Variants in GIGYF2 observed in about 807,000 individuals in gnomAD.
GIGYF2 encodes GRB10 interacting GYF protein 2.
In GIGYF2, 25 loss-of-function variants were observed where a neutral mutation model predicts 208.1. That is an observed-to-expected ratio of 0.12 (90% CI 0.09 to 0.17). GIGYF2 has a LOEUF of 0.17. Ranked by LOEUF, GIGYF2 falls within the 10% of genes least tolerant of loss-of-function variation. The pLI, the probability that GIGYF2 is intolerant of heterozygous loss-of-function variation, is 1.00. For missense variants in GIGYF2, 1,302 were observed against 1,579.4 expected, an observed-to-expected ratio of 0.82 and a Z score of 2.98; for synonymous variants, 534 against 543.8, an observed-to-expected ratio of 0.98 and a Z score of 0.25.
chr2:232,718,685 T>C (rs1696807810), intron 2 of GIGYF2, among the ~76,000 whole-genome samples: 1 of 152,228 alleles, frequency 6.6e-6, no homozygotes, highest in African/African-American at 2.4e-5. Flanking sequence ...TTTGCACTAA[T>C]AAAGTTATTA....
intron 1 of GIGYF2, among the ~76,000 whole-genome samples, chr2:232,701,087 A>G (rs187670847): frequency 6.6e-6 from 1 of 152,268 alleles, no homozygotes; most frequent in African/African-American, 2.4e-5. Flanking sequence ...TGAATTGCCT[A>G]TAGTTTTGTG....
chr2:232,719,494 T>C (rs1278252589), intron 2 of GIGYF2, among the ~76,000 whole-genome samples: 1 of 152,190 alleles, frequency 6.6e-6, no homozygotes, highest in East Asian at 1.9e-4. Context: ...CTTTTCTTTA[T>C]TGTAAACTCA....
At chr2:232,753,775 C>T (rs1320657598) in intron 5 of GIGYF2, among the ~76,000 whole-genome samples, 1 of 152,064 alleles carries the variant, frequency 6.6e-6, no homozygotes, top group African/African-American at 2.4e-5. Flanking sequence ...GGAGTTTGGC[C>T]TCTCCGTGTT....
At chr2:232,735,008 AT>A in intron 2 of GIGYF2, 146 bp from the exon 3 acceptor site, 2 of 600,776 alleles carry the variant, frequency 3.3e-6, no homozygotes, top group Non-Finnish European at 6.0e-6. Flanking sequence ...CTGCTATATT[AT>A]TGTTTTAAGT....
Position 232,844,148 on chromosome 2 carries a change from A to G in GIGYF2, c.2992A>G (p.Thr998Ala), listed in dbSNP as rs1302750953. The change falls in exon 24 of 29, where the codon ACC becomes GCC. Residue 998 changes from threonine to alanine, a missense_variant. Around this residue, in one of 8 missense-constraint regions of GIGYF2, gnomAD observed 701 missense variants for 793.0 expected, o/e 0.88. Coordinates refer to ENST00000373563, the MANE Select transcript of GIGYF2 (RefSeq NM_001103146.3). ...GWGNVSKPSG[T>A]TKSLLEIQQE... ...GGGGAATGTCAGCAAACCTTCAGGTACCACGAAATCTCTTCTGGAGATCCA... is the reference window on the plus strand; with the variant it reads ...GGGGAATGTCAGCAAACCTTCAGGTGCCACGAAATCTCTTCTGGAGATCCA... 3.8e-6 allele frequency: 6 copies of G among 1,576,340 alleles called. No homozygotes were observed. The highest frequency in any genetic ancestry group is 5.2e-6 in the Non-Finnish European group (6 of 1,158,824).
At chr2:232,847,614 AC>A in intron 27 of GIGYF2, 43 bp downstream of exon 27, 1 of 1,587,286 alleles carries the variant, frequency 6.3e-7, no homozygotes, top group Non-Finnish European at 8.5e-7. Context: ...GAGGATTAAT[AC>A]CTTTAGATGT....
intron 22 of GIGYF2, among the ~76,000 whole-genome samples, chr2:232,836,308 ATATATATATATATATATATAT>A (rs1701613547): frequency 2.3e-4 from 5 of 21,578 alleles, no homozygotes; most frequent in Admixed American, 1.4e-3. Flanking sequence ...ATATATATAT[ATATATATATATATATATATAT>A]ACATATATAT....
At chr2:232,825,769 A>G (rs1484448930) in intron 21 of GIGYF2, among the ~76,000 whole-genome samples, 1 of 151,996 alleles carries the variant, frequency 6.6e-6, no homozygotes, top group African/African-American at 2.4e-5. Context: ...GGTTTGTTAC[A>G]TAGATATACA....
At chr2:232,795,881 C>T (rs1221958547) in intron 13 of GIGYF2, among the ~76,000 whole-genome samples, 181 bp from the exon 14 acceptor site, 1 of 152,108 alleles carries the variant, frequency 6.6e-6, no homozygotes, top group Non-Finnish European at 1.5e-5. Context: ...GCATCCCCCT[C>T]TGTAAAATGG....
At chr2:232,712,120 A>G (rs2106258103) in intron 2 of GIGYF2, among the ~76,000 whole-genome samples, 1 of 152,278 alleles carries the variant, frequency 6.6e-6, no homozygotes, top group South Asian at 2.1e-4. Context: ...GTCAAATTTT[A>G]TAATTGGCAA....
intron 8 of GIGYF2, among the ~76,000 whole-genome samples, chr2:232,762,483 C>T (rs891843269): frequency 2.0e-5 from 3 of 152,046 alleles, no homozygotes; most frequent in Non-Finnish European, 4.4e-5. Context: ...GAACTCCTGA[C>T]CTCGTGATCC....
intron 28 of GIGYF2, among the ~76,000 whole-genome samples, chr2:232,855,207 T>G (rs1246114619): frequency 6.6e-6 from 1 of 151,304 alleles, no homozygotes; most frequent in African/African-American, 2.4e-5. Context: ...GTGCCTCAGC[T>G]TCCCGAGTAG....
At chr2:232,762,178 T>A (rs1698764919) in intron 8 of GIGYF2, among the ~76,000 whole-genome samples, 1 of 150,470 alleles carries the variant, frequency 6.6e-6, no homozygotes. Flanking sequence ...CTACAAGTGC[T>A]AAAAAAGTTC....
rs1362166904 is a variant in GIGYF2, at chr2:232,859,078, A to G, written c.*2218A>G. On this transcript the variant is annotated 3_prime_UTR_variant, in exon 29 of 29. Coordinates refer to ENST00000373563, the MANE Select transcript of GIGYF2 (RefSeq NM_001103146.3). ...TGCTTAACCAAGGAGACTTGCTTCT[A>G]TCTGAGGAATTTCCCACTTAGTAGA... The G allele has an allele frequency of 2.6e-5, 4 of 152,508 alleles. No individual in the cohort carries two copies. Among genetic ancestry groups the G allele is most frequent in the African/African-American group, 7.2e-5 (3 of 41,572 alleles). The allele number at this position is 152,508 out of a possible 1,614,324, so 9.4% of individuals were successfully genotyped here. A position where few individuals can be genotyped will look rare whatever the true frequency, so the allele number is the denominator to read the frequency against.
At position 232,844,222 on chromosome 2, in the gene GIGYF2, A is replaced by AGCAGCAGCAGCAT; in HGVS notation, c.3066_3067insGCAGCAGCAGCAT (p.His1023AlafsTer13). ...AAAAGCAGCAGCAGCAGCAGCAGCA[A>AGCAGCAGCAGCAT]CACCAGCAACCAAACAGAGCTCGTA... On this transcript the variant is annotated frameshift_variant, in exon 24 of 29. Coordinates refer to ENST00000373563, the MANE Select transcript of GIGYF2 (RefSeq NM_001103146.3). LOFTEE classifies it high-confidence loss of function. 1 of 1,565,714 alleles carries AGCAGCAGCAGCAT rather than the reference A, an allele frequency of 6.4e-7. No individual in the cohort carries two copies. Among genetic ancestry groups the AGCAGCAGCAGCAT allele is most frequent in the East Asian group, 2.4e-5 (1 of 41,960 alleles).
chr2:232,820,566 G>A (rs890575946), intron 21 of GIGYF2, among the ~76,000 whole-genome samples: 1 of 151,538 alleles, frequency 6.6e-6, no homozygotes, highest in South Asian at 2.1e-4. Flanking sequence ...CACCCGCCTC[G>A]GCCTCCCAAA....
At chr2:232,729,809 C>T in intron 2 of GIGYF2, 1 of 746,474 alleles carries the variant, frequency 1.3e-6, no homozygotes, top group Non-Finnish European at 2.5e-6. Flanking sequence ...GGTTTTTTGG[C>T]TTTCTTCGAT....
chr2:232,775,399 A>G (rs956654598), intron 8 of GIGYF2, among the ~76,000 whole-genome samples: 2 of 152,220 alleles, frequency 1.3e-5, no homozygotes, highest in African/African-American at 4.8e-5. Flanking sequence ...ACTTATGTAA[A>G]CAAACATATT....
chr2:232,760,506 T>C lies in GIGYF2; in HGVS notation c.406T>C (p.Tyr136His), dbSNP rs1250728417. 11 of 1,613,394 alleles carry C rather than the reference T, an allele frequency of 6.8e-6. No individual in the cohort carries two copies. Among genetic ancestry groups the C allele is most frequent in the Non-Finnish European group, 9.3e-6 (11 of 1,179,552 alleles). Residue 136 changes from tyrosine (Y) to histidine (H), a missense_variant, in exon 7 of 29, where the codon TAC (tyrosine) becomes CAC (histidine). Physicochemically the swap from Tyr to His is moderately conservative, Grantham distance 83 (BLOSUM62 2). This residue lies in a region of GIGYF2 where 189 missense variants were observed against 257.7 expected (regional missense o/e 0.73). Transcript: ENST00000373563. ...CAGAGGCAGAGGTGAATGTGGTTTC[T>C]ACCAAAGAAGTTTTGATGAAGTAGA... is the stretch of plus-strand genomic sequence containing the variant. ...RGRGRGECGF[Y>H]QRSFDEVEGV...
Sources: allele counts gnomAD v4.1 joint callset (sites outside exome capture counted in the v4.1 genomes callset), GRCh38; gene constraint gnomAD v4.1.1; regional missense constraint gnomAD v4.1.1; transcripts MANE v1.5; gene names NCBI Gene and HGNC (gene_info 2026-07-23, HGNC 2026-07-21).